The following ILKAP variants were observed in gnomAD, a reference collection of about 807,000 sequenced individuals.
ILKAP encodes ILK associated serine/threonine phosphatase.
In ILKAP, 11 loss-of-function variants were observed where a neutral mutation model predicts 49.1. The ratio of observed to expected loss-of-function variants is 0.22; its 90% CI spans 0.14 to 0.37. The LOEUF (loss-of-function observed/expected upper bound fraction) is 0.37. ILKAP is among the 10% of genes least tolerant of loss of function. The pLI, the probability that ILKAP is intolerant of heterozygous loss-of-function variation, is 1.00. For missense variants in ILKAP, 363 were observed against 510.8 expected, an observed-to-expected ratio of 0.71 and a Z score of 2.79; for synonymous variants, 186 against 192.8, an observed-to-expected ratio of 0.96 and a Z score of 0.29.
At position 238,184,732 on chromosome 2, in the gene ILKAP, G is replaced by GTT. The variant is rs35676364; in HGVS notation, c.532+447_532+448dup. ...CATACCACCATGTCCAGTTAGGTTTGTTTTTTTTTTTTATAGAGATAGAGT... is the reference window on the plus strand; with the variant it reads ...CATACCACCATGTCCAGTTAGGTTTGTTTTTTTTTTTTTTATAGAGATAGAGT... On this transcript the variant is annotated intron_variant, in intron 6 of 11. Coordinates refer to ENST00000254654, the MANE Select transcript of ILKAP (RefSeq NM_030768.3). Among the ~76,000 whole-genome samples, 484 of 143,684 alleles carry GTT rather than the reference G, an allele frequency of 3.4e-3. 4 individuals are homozygous for GTT. The highest frequency in any genetic ancestry group is 8.8e-3 in the African/African-American group (342 of 38,698). The allele number at this position is 143,684 out of a possible 152,430, so 94.3% of individuals were successfully genotyped here.
chr2:238,192,192 T>C (rs1310648462), intron 3 of ILKAP, among the ~76,000 whole-genome samples: 3 of 133,934 alleles, frequency 2.2e-5, no homozygotes, highest in African/African-American at 8.4e-5. Flanking sequence ...GCCAACAGAG[T>C]GAGACTGTCT....
At chr2:238,187,834 C>A (rs957170836) in intron 5 of ILKAP, among the ~76,000 whole-genome samples, 9 of 152,180 alleles carry the variant, frequency 5.9e-5, no homozygotes, top group Non-Finnish European at 1.3e-4. Flanking sequence ...ACATTCCAGG[C>A]TGAACAATTC....
chr2:238,202,690 AAT>A (rs1444627341), intron 1 of ILKAP, among the ~76,000 whole-genome samples: 3 of 152,108 alleles, frequency 2.0e-5, no homozygotes, highest in Non-Finnish European at 2.9e-5. Flanking sequence ...TTGCATATGA[AAT>A]ATTCACGCGT....
rs1693172648 is a variant in ILKAP, at chr2:238,170,642, G to A, written c.1073C>T (p.Ala358Val). ...GGCTGCTTCGTAGCGGGCGTCGGCT[G>A]CGGACTTCCCTTCCCGGGTCTGGAT... ...EKIQTREGKS[A>V]ADARYEAACN... The change falls in exon 12 of 12, where the codon GCA becomes GTA. Residue 358 changes from alanine (A) to valine (V), a missense_variant. Ala to Val is a moderately conservative substitution (Grantham distance 64). Around this residue, in one of 3 missense-constraint regions of ILKAP, gnomAD observed 83 missense variants for 87.5 expected, o/e 0.95. Coordinates refer to ENST00000254654, the MANE Select transcript of ILKAP (RefSeq NM_030768.3). The A allele has an allele frequency of 3.1e-6, 5 of 1,600,594 alleles. No homozygotes were observed. The highest frequency in any genetic ancestry group is 4.3e-6 in the Non-Finnish European group (5 of 1,169,434).
intron 4 of ILKAP, among the ~76,000 whole-genome samples, chr2:238,189,084 C>T (rs988044863): frequency 2.0e-5 from 3 of 151,896 alleles, no homozygotes; most frequent in Admixed American, 1.3e-4. Context: ...TCTGGGAAGC[C>T]GAGGCGGGCA....
At chr2:238,202,888 A>G (rs1387193435) in intron 1 of ILKAP, among the ~76,000 whole-genome samples, 4 of 79,194 alleles carry the variant, frequency 5.1e-5, no homozygotes, top group Admixed American at 1.5e-4. Context: ...CGTGGACCAG[A>G]AAAAAAAAAA....
rs528387852 is a variant in ILKAP at position 238,181,669 on chromosome 2, C to T, written c.836+396G>A. Among the ~76,000 whole-genome samples the T allele has an allele frequency of 2.0e-5, 3 of 148,822 alleles. No individual in the cohort carries two copies. The East Asian group carries it at 5.9e-4, about 29-fold the overall frequency. On this transcript the variant is annotated intron_variant, in intron 9 of 11. Coordinates refer to ENST00000254654, the MANE Select transcript of ILKAP (RefSeq NM_030768.3). Reference sequence around the variant, plus strand: ...ATGGAGTCTCGCTCTGTTGCCCAGGCTGGAGTGCAGTGGTGCGATCTTGGC... The same window carrying T: ...ATGGAGTCTCGCTCTGTTGCCCAGGTTGGAGTGCAGTGGTGCGATCTTGGC...
chr2:238,203,329 G>A (rs1479397537), intron 1 of ILKAP, among the ~76,000 whole-genome samples, 170 bp downstream of exon 1: 1 of 150,602 alleles, frequency 6.6e-6, no homozygotes, highest in African/African-American at 2.4e-5. Context: ...GCCTCCGACA[G>A]GGCCGCCAGT....
At chr2:238,199,689 A>T (rs932506949) in intron 1 of ILKAP, among the ~76,000 whole-genome samples, 1 of 152,074 alleles carries the variant, frequency 6.6e-6, no homozygotes, top group Admixed American at 6.6e-5. Context: ...AGTCAAATTC[A>T]CTTTTTTATG....
Position 238,181,097 on chromosome 2 carries a change from C to T in ILKAP, c.836+968G>A, listed in dbSNP as rs149871001. Among the ~76,000 whole-genome samples, 9 of 152,254 alleles carry T rather than the reference C, an allele frequency of 5.9e-5. No individual in the cohort carries two copies. The East Asian group carries it at 1.2e-3, about 20-fold the overall frequency. On this transcript the variant is annotated intron_variant, in intron 9 of 11. Transcript: ENST00000254654. The stretch of plus-strand genomic sequence containing the variant: ...CTAATCCAAGAGCTTTTTGAACAAA[C>T]GCTAAGGGTTCCAACTACTCTCCAG...
At chr2:238,187,899 T>TA (rs1464284489) in intron 5 of ILKAP, among the ~76,000 whole-genome samples, 1 of 152,158 alleles carries the variant, frequency 6.6e-6, no homozygotes, top group Non-Finnish European at 1.5e-5. Flanking sequence ...CCCTAGTCTC[T>TA]ACCCACCAGA....
intron 1 of ILKAP, among the ~76,000 whole-genome samples, chr2:238,202,138 T>C (rs112868323): frequency 2.9e-3 from 446 of 152,328 alleles, no homozygotes; most frequent in African/African-American, 1.0e-2. Context: ...GGCAGGAGAA[T>C]TGTTTGAACC....
chr2:238,190,989 C>G (rs1278955935), intron 3 of ILKAP, among the ~76,000 whole-genome samples: 2 of 150,282 alleles, frequency 1.3e-5, no homozygotes, highest in African/African-American at 4.9e-5. Context: ...GGGTCTCATT[C>G]TGTCACACAG....
chr2:238,190,071 A>C (rs911772885), intron 3 of ILKAP, 99 bp from the exon 4 acceptor site: 2 of 1,326,356 alleles, frequency 1.5e-6, no homozygotes, highest in Non-Finnish European at 2.0e-6. Context: ...AGACAAGGTC[A>C]TTTGAAGCAA....
At position 238,180,579 on chromosome 2, in the gene ILKAP, C is replaced by T. The variant is rs574623532; in HGVS notation, c.836+1486G>A. On this transcript the variant is annotated intron_variant, in intron 9 of 11. Coordinates refer to ENST00000254654, the MANE Select transcript of ILKAP (RefSeq NM_030768.3). ...TTAATGATAAAAGCTGAGAGTGGGG[C>T]AGCCAGCCCTGGCCTCAGGCAGGAG... Among the ~76,000 whole-genome samples, 4 of 152,298 alleles carry T rather than the reference C, an allele frequency of 2.6e-5. No homozygotes were observed. The East Asian group carries it at 7.7e-4, about 29-fold the overall frequency.
intron 9 of ILKAP, among the ~76,000 whole-genome samples, chr2:238,178,536 CTGT>C (rs1407404887): frequency 1.3e-5 from 2 of 152,172 alleles, no homozygotes; most frequent in African/African-American, 4.8e-5. Context: ...AATAAATATA[CTGT>C]TGTTAAGAAC....
Position 238,182,230 on chromosome 2 carries a change from C to T in ILKAP, c.715-44G>A, listed in dbSNP as rs1458193540. On this transcript the variant is annotated intron_variant, in intron 8 of 11. Transcript: ENST00000254654. ...TAATAGTCATGAAATTCAGTGGGCG[C>T]AGCATCTAAAGGTACCAGTTGAAAA... 4.4e-6 allele frequency: 7 copies of T among 1,608,614 alleles called. No homozygotes were observed. The East Asian group carries it at 6.7e-5, about 15-fold the overall frequency.
intron 4 of ILKAP, 91 bp downstream of exon 4, chr2:238,189,756 TAAAAAG>T (rs1268180657): frequency 3.4e-6 from 4 of 1,177,988 alleles, no homozygotes; most frequent in Admixed American, 4.4e-5. Flanking sequence ...AATACAGACA[TAAAAAG>T]AAAGTATTAT....
intron 7 of ILKAP, 58 bp downstream of exon 7, chr2:238,183,962 G>T: frequency 8.8e-7 from 1 of 1,140,898 alleles, no homozygotes; most frequent in Non-Finnish European, 1.3e-6. Context: ...AGACTGAAAT[G>T]CATTTAGGAA....
Sources: allele counts gnomAD v4.1 joint callset (sites outside exome capture counted in the v4.1 genomes callset), GRCh38; gene constraint gnomAD v4.1.1; regional missense constraint gnomAD v4.1.1; transcripts MANE v1.5; gene names NCBI Gene and HGNC (gene_info 2026-07-23, HGNC 2026-07-21).